SEMA6D: variants seen among roughly 807,000 people sequenced by gnomAD.
SEMA6D encodes the protein semaphorin 6D.
In SEMA6D, 35 loss-of-function variants were observed where a neutral mutation model predicts 106.6. The observed-to-expected ratio is 0.33, with a 90% confidence interval of 0.25 to 0.44. The LOEUF is 0.44. SEMA6D is among the 20% of genes least tolerant of loss of function. The probability of loss-of-function intolerance (pLI) is 1.00; values close to 1 mark genes in which losing one functional copy is unlikely to be tolerated. For synonymous variants in SEMA6D, 499 were observed against 487.7 expected (o/e 1.02, Z -0.31); for missense variants, 1,185 against 1,345.9 (o/e 0.88, Z 1.87).
chr15:47,207,937 A>G (rs1182554082), intron 1 of SEMA6D, among the ~76,000 whole-genome samples: 2 of 151,132 alleles, frequency 1.3e-5, no homozygotes, highest in Middle Eastern at 3.2e-3. Flanking sequence ...AGAGGTACCA[A>G]TAATGGACAG....
intron 1 of SEMA6D, among the ~76,000 whole-genome samples, chr15:47,729,434 G>A (rs534542462): frequency 6.6e-6 from 1 of 152,244 alleles, no homozygotes; most frequent in South Asian, 2.1e-4. Context: ...CATTTTGGGG[G>A]CCAAGGGACC....
chr15:47,451,427 C>T (rs1253349376), intron 2 of SEMA6D, among the ~76,000 whole-genome samples: 3 of 152,060 alleles, frequency 2.0e-5, no homozygotes, highest in South Asian at 4.2e-4. Flanking sequence ...TGATCCAGAT[C>T]AATCACAGCT....
Position 47,292,536 on chromosome 15 carries a change from C to T in SEMA6D, c.-239+108118C>T, listed in dbSNP as rs529792218. Among the ~76,000 whole-genome samples, 93 of 152,164 alleles carry T rather than the reference C, an allele frequency of 6.1e-4. No homozygotes were observed. The Middle Eastern group carries it at 0.014, about 22-fold the overall frequency. ...AAACAATGATTGCATTTAGAACCTT[C>T]AAGAAAGCTTGTTAACCATGGATTT... On this transcript the variant is annotated intron_variant, in intron 1 of 19. Transcript: ENST00000558014.
chr15:47,756,131 T>C (rs959511525), intron 1 of SEMA6D, among the ~76,000 whole-genome samples: 1 of 152,194 alleles, frequency 6.6e-6, no homozygotes, highest in African/African-American at 2.4e-5. Flanking sequence ...CCTGGCTCTC[T>C]GACTGTGTCA....
chr15:47,206,510 A>G (rs1156444803), intron 1 of SEMA6D, among the ~76,000 whole-genome samples: 1 of 152,122 alleles, frequency 6.6e-6, no homozygotes, highest in Non-Finnish European at 1.5e-5. Context: ...CCTGAAATGA[A>G]CTATCAGCTT....
At chr15:47,645,171 A>C (rs895536475) in intron 4 of SEMA6D, among the ~76,000 whole-genome samples, 1 of 152,164 alleles carries the variant, frequency 6.6e-6, no homozygotes, top group Non-Finnish European at 1.5e-5. Context: ...CCACAGAGGG[A>C]TAAAGGAAGT....
chr15:47,488,218 G>C (rs77423520), intron 3 of SEMA6D, among the ~76,000 whole-genome samples: 759 of 152,248 alleles, frequency 5.0e-3, no homozygotes, highest in Non-Finnish European at 9.0e-3. Flanking sequence ...AGAAATACCA[G>C]AGGAAACATG....
chr15:47,424,921 G>A lies in SEMA6D; in HGVS notation c.-159+12449G>A, dbSNP rs375312207. The stretch of plus-strand genomic sequence containing the variant: ...CTGGGAGAGGGAGGTGGGAGATGCA[G>A]GCAATTTTGAAGGGTAGTAAATGAT... On this transcript the variant is annotated intron_variant, in intron 2 of 19. Transcript: ENST00000558014. 9.9e-5 allele frequency among the ~76,000 whole-genome samples: 15 copies of A among 152,194 alleles called. No homozygotes were observed. In the South Asian group the frequency reaches 2.9e-3, roughly 29 times the overall value.
In SEMA6D at chr15:47,566,697, G is replaced by T. The variant is rs117187774; in HGVS notation, c.-86-34168G>T. Among the ~76,000 whole-genome samples, 1,516 of 152,244 alleles carry T rather than the reference G, an allele frequency of 1.0e-2. 10 individuals carry two copies. The highest frequency in any genetic ancestry group is 0.021 in the Admixed American group (319 of 15,302). ...ATGACTGTGAGCAAGTCATTTAACC[G>T]TCCCCAACCGGAGTTCCACATATGG... On this transcript the variant is annotated intron_variant, in intron 3 of 19. Transcript: ENST00000558014.
chr15:47,259,387 A>G (rs1274907673), intron 1 of SEMA6D, among the ~76,000 whole-genome samples: 1 of 152,102 alleles, frequency 6.6e-6, no homozygotes, highest in African/African-American at 2.4e-5. Flanking sequence ...CACTTCTTTA[A>G]TGTCTGAGGA....
rs1056751162 is a variant in SEMA6D at position 47,771,318 on chromosome 15, C to G, written c.2755C>G (p.Pro919Ala). 2 of 1,613,942 alleles carry G rather than the reference C, an allele frequency of 1.2e-6. No homozygotes were observed. Among genetic ancestry groups the G allele is most frequent in the African/African-American group, 1.3e-5 (1 of 74,998 alleles). Residue 919 changes from proline to alanine, a missense_variant, in exon 19 of 19, where the codon CCA becomes GCA. By Grantham distance (27) the Pro-to-Ala change is conservative (BLOSUM62 -1). Around this residue, in one of 3 missense-constraint regions of SEMA6D, gnomAD observed 750 missense variants for 783.5 expected, o/e 0.96. Coordinates refer to ENST00000536845, the MANE Select transcript of SEMA6D (RefSeq NM_001358351.3). ...TCCCATGGGATCGATGTCTGAGGTC[C>G]CACCTAAAGTCCCTAACCGGGAGGC... Reference protein sequence around the residue: ...LDPMGSMSEVPPKVPNREASL... With the variant: ...LDPMGSMSEVAPKVPNREASL...
At chr15:47,468,966 C>A (rs2042745845) in intron 2 of SEMA6D, among the ~76,000 whole-genome samples, 1 of 152,102 alleles carries the variant, frequency 6.6e-6, no homozygotes, top group Non-Finnish European at 1.5e-5. Flanking sequence ...TTTTCCTTTT[C>A]ATTGGCCCCT....
chr15:47,468,013 G>T (rs536490756), intron 2 of SEMA6D, among the ~76,000 whole-genome samples: 1 of 152,164 alleles, frequency 6.6e-6, no homozygotes, highest in East Asian at 1.9e-4. Flanking sequence ...GCTTGGTGAA[G>T]CATAGGCCAA....
chr15:47,522,639 T>G (rs1356972205), intron 3 of SEMA6D, among the ~76,000 whole-genome samples: 1 of 152,152 alleles, frequency 6.6e-6, no homozygotes, highest in Non-Finnish European at 1.5e-5. Flanking sequence ...CAACAAGTGT[T>G]GATGGAGTCC....
At chr15:47,744,237 G>C (rs1047269070) in intron 1 of SEMA6D, among the ~76,000 whole-genome samples, 24 of 152,214 alleles carry the variant, frequency 1.6e-4, no homozygotes, top group African/African-American at 4.1e-4. Context: ...TATTTGCTTT[G>C]AAGAGCATAA....
chr15:47,389,070 A>G (rs992056646), intron 1 of SEMA6D, among the ~76,000 whole-genome samples: 3 of 152,220 alleles, frequency 2.0e-5, no homozygotes, highest in Non-Finnish European at 4.4e-5. Context: ...CAAATGCATG[A>G]AACAAATGTC....
chr15:47,398,564 A>T (rs1459498048), intron 1 of SEMA6D, among the ~76,000 whole-genome samples: 1 of 151,930 alleles, frequency 6.6e-6, no homozygotes, highest in East Asian at 1.9e-4. Context: ...TTCAGTTCCC[A>T]CTCCCTGTGC....
chr15:47,397,434 T>C (rs2040250488), intron 1 of SEMA6D: 1 of 152,118 alleles, frequency 6.6e-6, no homozygotes, highest in African/African-American at 2.4e-5. Context: ...GTCCTATCAA[T>C]GAACAAAGAA....
intron 3 of SEMA6D, among the ~76,000 whole-genome samples, chr15:47,491,874 TA>T (rs1351401724): frequency 6.6e-6 from 1 of 152,154 alleles, no homozygotes; most frequent in African/African-American, 2.4e-5. Flanking sequence ...AGAAGGCAGA[TA>T]AAAAAAGTAA....
Sources: allele counts gnomAD v4.1 joint callset (sites outside exome capture counted in the v4.1 genomes callset), GRCh38; gene constraint gnomAD v4.1.1; regional missense constraint gnomAD v4.1.1; transcripts MANE v1.5; gene names NCBI Gene and HGNC (gene_info 2026-07-23, HGNC 2026-07-21).